Variants in LAS1L observed in about 807,000 individuals in gnomAD.
LAS1L encodes ribosomal biogenesis protein LAS1L.
In LAS1L, 5 loss-of-function variants were observed where a neutral mutation model predicts 57.3. The observed-to-expected ratio is 0.09, with a 90% CI of 0.05 to 0.18. LAS1L has a LOEUF of 0.18. Ranked by LOEUF, LAS1L falls within the 10% of genes least tolerant of loss-of-function variation. LAS1L has a pLI of 1.00. For synonymous variants in LAS1L, 245 were observed against 231.7 expected (o/e 1.06, Z -0.52); for missense variants, 360 against 568.3 (o/e 0.63, Z 3.73).
At chrX:65,530,638 C>G (rs1386489981) in intron 4 of LAS1L, among the ~76,000 whole-genome samples, 5 of 107,164 alleles carry the variant, frequency 4.7e-5, no homozygotes, top group African/African-American at 1.7e-4. Context: ...GAAACCCCAT[C>G]GCTACTAAAA....
chrX:65,512,808 C>G lies in LAS1L; in HGVS notation c.2172G>C (p.Leu724=). The change falls in exon 14 of 14, where the codon CTG becomes CTC. Residue 724 remains leucine, a synonymous_variant. Coordinates refer to ENST00000374811, the MANE Select transcript of LAS1L (RefSeq NM_031206.7). ...GCTGCAGGCCAGTTTTGAGCCCATG[C>G]AGCTGCCCCTGGCTCCAGAGAAGGC... ...FEGLLWSQGQ[L]HGLKTGLQLF 1.0e-5 allele frequency: 12 copies of G among 1,168,310 alleles called. No homozygotes were observed. Among genetic ancestry groups the G allele is most frequent in the Non-Finnish European group, 1.4e-5 (12 of 873,278 alleles).
intron 12 of LAS1L, among the ~76,000 whole-genome samples, chrX:65,517,666 T>G (rs1030216470): frequency 8.9e-6 from 1 of 112,415 alleles, no homozygotes; most frequent in Admixed American, 9.4e-5. Context: ...GAAAAACACG[T>G]GCAGAACCAT....
intron 7 of LAS1L, among the ~76,000 whole-genome samples, chrX:65,527,210 CAAAAAAAAAAAAAAAAAAAAAAAAAAAA>C (rs869258564): frequency 9.1e-5 from 1 of 10,998 alleles, no homozygotes; most frequent in African/African-American, 1.8e-4. Context: ...AACTCTGTCT[CAAAAAAAAAAAAAAAAAAAAAAAAAAAA>C]AAAAAAAAAA....
At chrX:65,524,385 C>T (rs952101815) in intron 9 of LAS1L, 123 bp from the exon 10 acceptor site, 3 of 561,782 alleles carry the variant, frequency 5.3e-6, no homozygotes, top group East Asian at 3.6e-5. Context: ...AATGTGTGCG[C>T]GCGCATGAGC....
In LAS1L at chrX:65,514,834, T is replaced by C. The variant is rs761089941; in HGVS notation, c.2067A>G (p.Thr689=). The C allele has an allele frequency of 2.5e-6, 3 of 1,191,987 alleles. No individual in the cohort carries two copies. The highest frequency in any genetic ancestry group is 3.4e-6 in the Non-Finnish European group (3 of 884,343). Reference sequence around the variant, plus strand: ...CCATGGGCACTCACTCAGTCTTGCATGTTGAGGGTTCCAGCCGCTGCTCTA... The same window carrying C: ...CCATGGGCACTCACTCAGTCTTGCACGTTGAGGGTTCCAGCCGCTGCTCTA... ...PVLEQRLEPS[T]CKTDTLGLSC... is the part of the protein sequence containing the mutation. Residue 689 remains threonine (T), a synonymous_variant, in exon 13 of 14, where the codon ACA becomes ACG. Coordinates refer to ENST00000374811, the MANE Select transcript of LAS1L (RefSeq NM_031206.7).
In LAS1L at chrX:65,513,038, C is replaced by T. The variant is rs976261251; in HGVS notation, c.2079-137G>A. ...CTTTACAAAGAGACTGGAGCAAATC[C>T]GAGAAACGACTTCGTGTGGGCCCCA... On this transcript the variant is annotated intron_variant, in intron 13 of 13. Transcript: ENST00000374811. The T allele has an allele frequency of 1.1e-4, 69 of 630,464 alleles. No individual in the cohort carries two copies. The African/African-American group carries it at 1.1e-3, about 10-fold the overall frequency. 52.0% of individuals were successfully genotyped at this position (630,464 alleles called of 1,213,427 possible). A position where few individuals can be genotyped will look rare whatever the true frequency, so the allele number is the denominator to read the frequency against.
Position 65,525,748 on chromosome X carries a change from CA to C in LAS1L, c.957-699del, listed in dbSNP as rs772564998. Among the ~76,000 whole-genome samples the C allele has an allele frequency of 8.2e-3, 312 of 38,224 alleles. 6 individuals are homozygous for C. The highest frequency in any genetic ancestry group is 0.039 in the South Asian group (30 of 773). The allele number at this position is 38,224 out of a possible 115,157, so 33.2% of individuals were successfully genotyped here. On this transcript the variant is annotated intron_variant, in intron 7 of 13. Coordinates refer to ENST00000374811, the MANE Select transcript of LAS1L (RefSeq NM_031206.7). The stretch of plus-strand genomic sequence containing the variant: ...AGGTCTTCACCAAGGTCTGATTTTT[CA>C]AAAAAAAAAAAAAAAAAAAGAAAGA...
intron 1 of LAS1L, 55 bp downstream of exon 1, chrX:65,534,421 AAAGG>A (rs1215903728): frequency 1.2e-5 from 11 of 926,198 alleles, no homozygotes; most frequent in Non-Finnish European, 1.7e-5. Context: ...GAAACTCGAC[AAAGG>A]AAGAGGTGCA....
intron 7 of LAS1L, among the ~76,000 whole-genome samples, chrX:65,526,685 G>C (rs1336027256): frequency 9.0e-6 from 1 of 111,437 alleles, no homozygotes. Flanking sequence ...AGCCCTTCCA[G>C]CTGAATTTAG....
At chrX:65,516,822 G>A (rs2068652597) in intron 12 of LAS1L, among the ~76,000 whole-genome samples, 1 of 110,842 alleles carries the variant, frequency 9.0e-6, no homozygotes, top group African/African-American at 3.3e-5. Context: ...CACACAGAGA[G>A]ACAGACTTTA....
At chrX:65,525,086 C>G (rs374483679) in intron 7 of LAS1L, 36 bp from the exon 8 acceptor site, 1 of 1,093,285 alleles carries the variant, frequency 9.1e-7, no homozygotes, top group Non-Finnish European at 1.3e-6. Flanking sequence ...CAAAGTGATG[C>G]TGGCAGAAGA....
At chrX:65,514,712 T>A in intron 13 of LAS1L, 111 bp downstream of exon 13, 3 of 749,914 alleles carry the variant, frequency 4.0e-6, no homozygotes, top group Non-Finnish European at 5.7e-6. Flanking sequence ...TTCACTCATT[T>A]AGGCCCTGAC....
chrX:65,525,748 C>CAAAAAAAAAAAAAAAAAAAA lies in LAS1L; in HGVS notation c.957-718_957-699dup, dbSNP rs772564998. On this transcript the variant is annotated intron_variant, in intron 7 of 13. Coordinates refer to ENST00000374811, the MANE Select transcript of LAS1L (RefSeq NM_031206.7). ...AGGTCTTCACCAAGGTCTGATTTTT[C>CAAAAAAAAAAAAAAAAAAAA]AAAAAAAAAAAAAAAAAAAAGAAAG... Among the ~76,000 whole-genome samples the CAAAAAAAAAAAAAAAAAAAA allele has an allele frequency of 2.3e-3, 87 of 38,217 alleles. 4 individuals carry two copies. Among genetic ancestry groups the CAAAAAAAAAAAAAAAAAAAA allele is most frequent in the African/African-American group, 5.9e-3 (51 of 8,717 alleles). 33.2% of individuals were successfully genotyped at this position (38,217 alleles called of 115,157 possible).
rs1304340003 is a variant in LAS1L at position 65,523,724 on chromosome X, G to T, written c.1301-17C>A. Reference sequence around the variant, plus strand: ...CATTCCGTCCTGAGAGAGAAGAGAGGATCTAAGGAGAAGGAAGCAGTGAGC... The same window carrying T: ...CATTCCGTCCTGAGAGAGAAGAGAGTATCTAAGGAGAAGGAAGCAGTGAGC... On this transcript the variant is annotated splice_polypyrimidine_tract_variant and intron_variant, in intron 10 of 13. Transcript: ENST00000374811. 4 of 1,161,569 alleles carry T rather than the reference G, an allele frequency of 3.4e-6. No homozygotes were observed. The South Asian group carries it at 6.1e-5, about 18-fold the overall frequency.
At chrX:65,520,785 T>C (rs2068818011) in intron 11 of LAS1L, 1 of 752,208 alleles carries the variant, frequency 1.3e-6, no homozygotes, top group Non-Finnish European at 1.6e-6. Flanking sequence ...GGTCCAGACT[T>C]CTCCGAGACC....
chrX:65,527,361 C>A (rs2069215667), intron 7 of LAS1L, among the ~76,000 whole-genome samples: 1 of 109,497 alleles, frequency 9.1e-6, no homozygotes, highest in Non-Finnish European at 1.9e-5. Flanking sequence ...CATGGTGAGA[C>A]CCCATCTCTA....
intron 10 of LAS1L, 67 bp downstream of exon 10, chrX:65,523,989 G>A: frequency 2.9e-6 from 3 of 1,037,926 alleles, no homozygotes; most frequent in Non-Finnish European, 4.0e-6. Flanking sequence ...GCAGAGAGCT[G>A]AGGACAGTGG....
intron 2 of LAS1L, 91 bp from the exon 3 acceptor site, chrX:65,532,721 T>C: frequency 1.6e-6 from 1 of 618,085 alleles, no homozygotes. Flanking sequence ...CATTTCCACT[T>C]TTCCACCGAC....
intron 4 of LAS1L, 24 bp downstream of exon 4, chrX:65,531,333 T>C (rs759467903): frequency 3.5e-5 from 40 of 1,138,893 alleles, no homozygotes; most frequent in Non-Finnish European, 4.8e-5. Context: ...TTAACTGTGA[T>C]AGGTATAACC....
Sources: allele counts gnomAD v4.1 joint callset (sites outside exome capture counted in the v4.1 genomes callset), GRCh38; gene constraint gnomAD v4.1.1; transcripts MANE v1.5; gene names NCBI Gene and HGNC (gene_info 2026-07-23, HGNC 2026-07-21).